PCLO: variants seen among roughly 807,000 people sequenced by gnomAD.
The protein encoded by PCLO is protein piccolo.
Under a neutral mutation model 427.5 loss-of-function variants are expected in PCLO, and 82 were observed. The ratio of observed to expected loss-of-function variants is 0.19; its 90% confidence interval spans 0.16 to 0.23. The LOEUF is 0.23. Ranked by LOEUF, PCLO falls within the 10% of genes least tolerant of loss-of-function variation. PCLO has a pLI of 1.00. For synonymous variants in PCLO, 2,357 were observed against 2,155.4 expected (o/e 1.09, Z -2.59); for missense variants, 6,239 against 6,115.9 (o/e 1.02, Z -0.67).
intron 3 of PCLO, among the ~76,000 whole-genome samples, chr7:83,092,946 C>CAAAAAA (rs10684707): frequency 8.9e-5 from 8 of 89,576 alleles, no homozygotes; most frequent in Admixed American, 2.6e-4. Flanking sequence ...GACTCTGTCT[C>CAAAAAA]AAAAAAAAAA....
At chr7:82,788,866 C>G (rs1562786765) in intron 22 of PCLO, among the ~76,000 whole-genome samples, 1 of 151,122 alleles carries the variant, frequency 6.6e-6, no homozygotes, top group Non-Finnish European at 1.5e-5. Context: ...TAGACTGATA[C>G]TAGATAATAT....
chr7:83,088,183 A>AT (rs2116426517), intron 3 of PCLO, among the ~76,000 whole-genome samples: 1 of 152,266 alleles, frequency 6.6e-6, no homozygotes, highest in East Asian at 1.9e-4. Context: ...GCCAACTTGT[A>AT]TTTTTTCATT....
At chr7:83,126,801 T>C (rs373924341) in intron 3 of PCLO, among the ~76,000 whole-genome samples, 1 of 152,110 alleles carries the variant, frequency 6.6e-6, no homozygotes, top group Non-Finnish European at 1.5e-5. Flanking sequence ...TAAAAACTTA[T>C]ATGATGTTTA....
At chr7:83,150,840 C>T (rs1792110976) in intron 2 of PCLO, among the ~76,000 whole-genome samples, 2 of 152,104 alleles carry the variant, frequency 1.3e-5, no homozygotes, top group Non-Finnish European at 1.5e-5. Flanking sequence ...CATAATTGTA[C>T]CAAAGGATGT....
chr7:83,097,535 T>C (rs939833418), intron 3 of PCLO, among the ~76,000 whole-genome samples: 2 of 145,872 alleles, frequency 1.4e-5, no homozygotes, highest in Admixed American at 1.4e-4. Flanking sequence ...AATATATATA[T>C]ATATATAATA....
At chr7:82,803,138 T>C (rs1791391709) in intron 21 of PCLO, among the ~76,000 whole-genome samples, 1 of 150,960 alleles carries the variant, frequency 6.6e-6, no homozygotes, top group Non-Finnish European at 1.5e-5. Flanking sequence ...GACAAGTAGT[T>C]AAGAAAAAAA....
chr7:82,797,752 T>G (rs1791257318), intron 22 of PCLO, among the ~76,000 whole-genome samples: 1 of 152,144 alleles, frequency 6.6e-6, no homozygotes, highest in African/African-American at 2.4e-5. Context: ...TGTTTTATAC[T>G]ACAACTTAGG....
chr7:82,765,181 T>A (rs956073408), intron 22 of PCLO, among the ~76,000 whole-genome samples: 18 of 151,830 alleles, frequency 1.2e-4, no homozygotes, highest in African/African-American at 4.3e-4. Flanking sequence ...AAACACTATA[T>A]ATCAGAATCT....
intron 22 of PCLO, among the ~76,000 whole-genome samples, chr7:82,797,931 C>A (rs1278987609): frequency 6.6e-6 from 1 of 152,020 alleles, no homozygotes; most frequent in Non-Finnish European, 1.5e-5. Flanking sequence ...AATGGACTTG[C>A]TTAATAAGAA....
intron 3 of PCLO, among the ~76,000 whole-genome samples, chr7:83,085,366 G>A (rs564225753): frequency 2.4e-4 from 37 of 152,244 alleles, no homozygotes; most frequent in East Asian, 2.1e-3. Context: ...AACCTACTGC[G>A]AAGTTAATTT....
At chr7:82,811,800 G>A (rs985007691) in intron 20 of PCLO, among the ~76,000 whole-genome samples, 2 of 151,468 alleles carry the variant, frequency 1.3e-5, no homozygotes, top group East Asian at 3.9e-4. Context: ...AAATACAGGT[G>A]TTGAAACTCT....
At chr7:83,068,065 AT>A (rs1789712405) in intron 3 of PCLO, among the ~76,000 whole-genome samples, 3 of 152,210 alleles carry the variant, frequency 2.0e-5, no homozygotes, top group African/African-American at 7.2e-5. Context: ...TGGGTAATAT[AT>A]AAAAGTCAAA....
intron 8 of PCLO, among the ~76,000 whole-genome samples, chr7:82,903,676 T>A (rs1043259494): frequency 6.6e-6 from 1 of 151,990 alleles, no homozygotes; most frequent in African/African-American, 2.4e-5. Flanking sequence ...TTTATTTGTA[T>A]GGAATTTTGT....
At chr7:82,786,394 A>G (rs1227942229) in intron 22 of PCLO, among the ~76,000 whole-genome samples, 1 of 152,252 alleles carries the variant, frequency 6.6e-6, no homozygotes, top group Admixed American at 6.5e-5. Context: ...GCATATTTAG[A>G]GTTTTAAATC....
rs1790449283 is a variant in PCLO at position 82,762,387 on chromosome 7, CA to C, written c.15008-895del. Among the ~76,000 whole-genome samples the C allele has an allele frequency of 2.0e-5, 3 of 152,026 alleles. No homozygotes were observed. In the South Asian group the frequency reaches 6.2e-4, roughly 32 times the overall value. On this transcript the variant is annotated intron_variant, in intron 22 of 24. Transcript: ENST00000333891. ...GAAATAAATGCCTATGTGATAGTAA[CA>C]TATTGTAAATAGAAGCCATGTTAAG...
chr7:83,051,930 T>C (rs1789264397), intron 3 of PCLO, among the ~76,000 whole-genome samples: 1 of 151,914 alleles, frequency 6.6e-6, no homozygotes, highest in South Asian at 2.1e-4. Context: ...GGCAATTCAA[T>C]GGAGAAAGGA....
In PCLO at chr7:82,757,760, T is replaced by C. The variant is rs999239174; in HGVS notation, c.*815A>G. 2 of 151,912 alleles carry C rather than the reference T, an allele frequency of 1.3e-5. No individual in the cohort carries two copies. Among genetic ancestry groups the C allele is most frequent in the Non-Finnish European group, 2.9e-5 (2 of 67,868 alleles). 9.4% of individuals were successfully genotyped at this position (151,912 alleles called of 1,614,324 possible). A position where few individuals can be genotyped will look rare whatever the true frequency, so the allele number is the denominator to read the frequency against. ...TTGGCTTAATGGTAAATTATGAAGA[T>C]TTTGATGGTTTCAACCAAAATTCCA... On this transcript the variant is annotated 3_prime_UTR_variant, in exon 25 of 25. Transcript: ENST00000333891.
At chr7:82,816,069 G>GA (rs1791673047) in intron 20 of PCLO, among the ~76,000 whole-genome samples, 1 of 151,954 alleles carries the variant, frequency 6.6e-6, no homozygotes, top group African/African-American at 2.4e-5. Context: ...AATAAAAATG[G>GA]AAAAGAATAT....
At chr7:82,802,332 A>T (rs1272078795) in intron 21 of PCLO, among the ~76,000 whole-genome samples, 5 of 152,182 alleles carry the variant, frequency 3.3e-5, no homozygotes, top group Non-Finnish European at 7.4e-5. Flanking sequence ...TTCAATAAAC[A>T]TGACATATTA....
Sources: gnomAD v4.1 joint callset for allele counts (sites outside exome capture counted in the v4.1 genomes callset) on GRCh38, gnomAD v4.1.1 for gene constraint, MANE v1.5 for transcripts, NCBI Gene and HGNC (gene_info 2026-07-23, HGNC 2026-07-21) for gene names.